Variants in UBL3 observed in about 807,000 individuals in gnomAD.
The protein encoded by UBL3 is ubiquitin like 3.
Under a neutral mutation model 18.4 loss-of-function variants are expected in UBL3, and 6 were observed. The observed-to-expected ratio is 0.33, with a 90% CI of 0.18 to 0.64. The LOEUF (loss-of-function observed/expected upper bound fraction) is 0.64, where lower values mean the gene tolerates loss of function less well. UBL3 is among the 30% of genes least tolerant of loss of function. UBL3 has a pLI of 0.76. For missense variants in UBL3, 109 were observed against 142.9 expected, an observed-to-expected ratio of 0.76 and a Z score of 1.21; for synonymous variants, 49 against 46.6, an observed-to-expected ratio of 1.05 and a Z score of -0.21.
chr13:29,798,760 T>A (rs544260784), intron 1 of UBL3, among the ~76,000 whole-genome samples: 3 of 152,268 alleles, frequency 2.0e-5, no homozygotes, highest in East Asian at 3.9e-4. Flanking sequence ...TGAGCAAAAT[T>A]AAGAGAAACC....
At chr13:29,809,667 G>C (rs1877988026) in intron 1 of UBL3, among the ~76,000 whole-genome samples, 1 of 152,074 alleles carries the variant, frequency 6.6e-6, no homozygotes, top group African/African-American at 2.4e-5. Context: ...ACAAAAGCCT[G>C]GACAGGGATG....
In UBL3 at chr13:29,849,834, G is replaced by C; in HGVS notation, c.-296C>G. 1 of 535,448 alleles carries C rather than the reference G, an allele frequency of 1.9e-6. No individual in the cohort carries two copies. The highest frequency in any genetic ancestry group is 3.3e-6 in the Non-Finnish European group (1 of 299,184). 33.2% of individuals were successfully genotyped at this position (535,448 alleles called of 1,614,324 possible). A position where few individuals can be genotyped will look rare whatever the true frequency, so the allele number is the denominator to read the frequency against. On this transcript the variant is annotated 5_prime_UTR_variant, in exon 1 of 5. Transcript: ENST00000380680. ...CAGCAGCAGCCCCAGGACCGGCCGC[G>C]CCAGGTGGACCGAGCCGAGTGACAC...
At position 29,780,189 on chromosome 13, in the gene UBL3, C is replaced by T. The variant is rs545698292; in HGVS notation, c.28-2926G>A. Reference sequence around the variant, plus strand: ...CTAACACAGTGAAACCCCGTCTCTACTAAAAACACAAAAAATTAGCCAGGC... The same window carrying T: ...CTAACACAGTGAAACCCCGTCTCTATTAAAAACACAAAAAATTAGCCAGGC... On this transcript the variant is annotated intron_variant, in intron 1 of 4. Transcript: ENST00000380680. 3.2e-4 allele frequency among the ~76,000 whole-genome samples: 48 copies of T among 151,268 alleles called. No homozygotes were observed. The South Asian group carries it at 9.0e-3, about 28-fold the overall frequency.
At chr13:29,797,304 C>T (rs1877639712) in intron 1 of UBL3, among the ~76,000 whole-genome samples, 1 of 152,078 alleles carries the variant, frequency 6.6e-6, no homozygotes, top group Admixed American at 6.6e-5. Flanking sequence ...TGTTCATGGT[C>T]AAAGAAGCAG....
intron 1 of UBL3, among the ~76,000 whole-genome samples, chr13:29,806,891 A>G (rs1419192236): frequency 6.6e-6 from 1 of 152,112 alleles, no homozygotes; most frequent in Non-Finnish European, 1.5e-5. Context: ...GCAATTTTTA[A>G]GTTTTATAAT....
chr13:29,767,445 TA>T, intron 4 of UBL3, 138 bp from the exon 5 acceptor site: 2 of 1,236,688 alleles, frequency 1.6e-6, no homozygotes. Flanking sequence ...GAAGCTGTAA[TA>T]AATGTTCTTT....
chr13:29,765,138 T>C lies in UBL3; in HGVS notation c.*2117A>G, dbSNP rs1325151812. ...ACAGAAAAATATATTGAAAAACCAA[T>C]AGAGAATTATTTTTAACCATCATAA... is the stretch of plus-strand genomic sequence containing the variant. On this transcript the variant is annotated 3_prime_UTR_variant, in exon 5 of 5. Transcript: ENST00000380680. The C allele has an allele frequency of 6.6e-6, 1 of 152,100 alleles. No homozygotes were observed. The highest frequency in any genetic ancestry group is 2.4e-5 in the African/African-American group (1 of 41,428). 9.4% of individuals were successfully genotyped at this position (152,100 alleles called of 1,614,324 possible).
At chr13:29,847,409 C>T (rs1879256717) in intron 1 of UBL3, among the ~76,000 whole-genome samples, 1 of 152,178 alleles carries the variant, frequency 6.6e-6, no homozygotes, top group Non-Finnish European at 1.5e-5. Flanking sequence ...AGAATCAAGG[C>T]CTTAACATCC....
At chr13:29,769,252 G>A (rs565354874) in intron 3 of UBL3, among the ~76,000 whole-genome samples, 2 of 152,192 alleles carry the variant, frequency 1.3e-5, no homozygotes, top group South Asian at 4.1e-4. Flanking sequence ...GACAGGCCTG[G>A]AAAGCTCCTG....
chr13:29,823,897 C>G (rs1173665900), intron 1 of UBL3, among the ~76,000 whole-genome samples: 4 of 149,238 alleles, frequency 2.7e-5, no homozygotes, highest in Non-Finnish European at 5.9e-5. Flanking sequence ...GTGATGTTCC[C>G]CTTCCTGTGT....
intron 1 of UBL3, among the ~76,000 whole-genome samples, chr13:29,826,755 T>C (rs1263644072): frequency 2.6e-5 from 4 of 152,208 alleles, no homozygotes; most frequent in Non-Finnish European, 5.9e-5. Flanking sequence ...CTTGCTTCTC[T>C]AGTTCTTTTA....
intron 3 of UBL3, among the ~76,000 whole-genome samples, chr13:29,771,773 T>C (rs992629208): frequency 1.3e-5 from 2 of 151,998 alleles, no homozygotes. Flanking sequence ...ATCATAAATT[T>C]TTCCTAGTTT....
chr13:29,810,401 A>G (rs888848603), intron 1 of UBL3, among the ~76,000 whole-genome samples: 2 of 152,106 alleles, frequency 1.3e-5, no homozygotes, highest in African/African-American at 4.8e-5. Context: ...TAATATTTAA[A>G]AAGCAAATAA....
chr13:29,782,518 G>A (rs1877203099), intron 1 of UBL3, among the ~76,000 whole-genome samples: 1 of 152,114 alleles, frequency 6.6e-6, no homozygotes, highest in Non-Finnish European at 1.5e-5. Flanking sequence ...TTATTTTAAT[G>A]TTTATAGGTG....
In UBL3 at chr13:29,800,112, T is replaced by C. The variant is rs1448276106; in HGVS notation, c.28-22849A>G. 3.3e-5 allele frequency among the ~76,000 whole-genome samples: 5 copies of C among 152,248 alleles called. No individual in the cohort carries two copies. In the East Asian group the frequency reaches 9.6e-4, roughly 29 times the overall value. Reference sequence around the variant, plus strand: ...CCAATTGCTGAACAGTAATTCCTTTTCGAGCTTATATTCATGATTATTTAA... The same window carrying C: ...CCAATTGCTGAACAGTAATTCCTTTCCGAGCTTATATTCATGATTATTTAA... On this transcript the variant is annotated intron_variant, in intron 1 of 4. Coordinates refer to ENST00000380680, the MANE Select transcript of UBL3 (RefSeq NM_007106.4).
chr13:29,849,849 C>A lies in UBL3; in HGVS notation c.-311G>T. ...GACCGGCCGCGCCAGGTGGACCGAGCCGAGTGACACACGGACATGGAGAGG... is the reference window on the plus strand; with the variant it reads ...GACCGGCCGCGCCAGGTGGACCGAGACGAGTGACACACGGACATGGAGAGG... On this transcript the variant is annotated 5_prime_UTR_variant, in exon 1 of 5. Transcript: ENST00000380680. The A allele has an allele frequency of 1.9e-6, 1 of 522,634 alleles. No homozygotes were observed. The highest frequency in any genetic ancestry group is 2.1e-5 in the South Asian group (1 of 47,520). 32.4% of individuals were successfully genotyped at this position (522,634 alleles called of 1,614,324 possible).
At chr13:29,776,961 TC>T (rs1170861368) in intron 2 of UBL3, among the ~76,000 whole-genome samples, 193 bp downstream of exon 2, 2 of 151,434 alleles carry the variant, frequency 1.3e-5, no homozygotes, top group African/African-American at 4.8e-5. Flanking sequence ...CATTCTGGGC[TC>T]CTTTACCATT....
At chr13:29,831,747 T>TA (rs1163390247) in intron 1 of UBL3, among the ~76,000 whole-genome samples, 2 of 148,504 alleles carry the variant, frequency 1.3e-5, no homozygotes, top group African/African-American at 2.5e-5. Context: ...AGAAAAAAAC[T>TA]AAAAAATCAC....
In UBL3 at chr13:29,826,578, T is replaced by C. The variant is rs1016175489; in HGVS notation, c.27+22934A>G. On this transcript the variant is annotated intron_variant, in intron 1 of 4. Coordinates refer to ENST00000380680, the MANE Select transcript of UBL3 (RefSeq NM_007106.4). ...TTATTTTTTATTGCTTCTATTTGAT[T>C]CTTCTTTATTAGTCTTGCTAGCAAT... Among the ~76,000 whole-genome samples the C allele has an allele frequency of 3.9e-5, 6 of 152,318 alleles. No homozygotes were observed. In the South Asian group the frequency reaches 8.3e-4, roughly 21 times the overall value.
Sources: gnomAD v4.1 joint callset for allele counts (sites outside exome capture counted in the v4.1 genomes callset) on GRCh38, gnomAD v4.1.1 for gene constraint, MANE v1.5 for transcripts, NCBI Gene and HGNC (gene_info 2026-07-23, HGNC 2026-07-21) for gene names.